Variants in ISM1 observed in about 807,000 individuals in gnomAD.
ISM1 encodes isthmin 1.
ISM1 carries 25 observed loss-of-function variants against 46.3 expected under a neutral mutation model. That is an observed-to-expected ratio of 0.54 (90% CI 0.39 to 0.75). The LOEUF (loss-of-function observed/expected upper bound fraction) is 0.75, where lower values mean the gene tolerates loss of function less well. ISM1 is among the 30% of genes least tolerant of loss of function. The pLI is 0.00. For synonymous variants in ISM1, 255 were observed against 256.7 expected, an observed-to-expected ratio of 0.99 and a Z score of 0.06; for missense variants, 536 against 625.4, an observed-to-expected ratio of 0.86 and a Z score of 1.52.
chr20:13,254,900 T>C (rs537344010), intron 1 of ISM1, among the ~76,000 whole-genome samples: 1 of 152,346 alleles, frequency 6.6e-6, no homozygotes, highest in South Asian at 2.1e-4. Flanking sequence ...TCCTTTTCCA[T>C]CTATTCATTG....
intron 1 of ISM1, chr20:13,238,095 A>G (rs546900361): frequency 6.6e-6 from 1 of 150,654 alleles, no homozygotes; most frequent in South Asian, 2.1e-4. Context: ...CGTTTACAAT[A>G]AAGAGGAGCA....
At chr20:13,242,350 A>C (rs1331513113) in intron 1 of ISM1, among the ~76,000 whole-genome samples, 4 of 152,212 alleles carry the variant, frequency 2.6e-5, no homozygotes, top group Non-Finnish European at 5.9e-5. Context: ...TGAAAGGAGC[A>C]GGATTTGTTT....
intron 1 of ISM1, among the ~76,000 whole-genome samples, chr20:13,262,833 A>G (rs2040002817): frequency 6.6e-6 from 1 of 152,156 alleles, no homozygotes; most frequent in Non-Finnish European, 1.5e-5. Context: ...CCAAATGCAA[A>G]GAGTTGCCCA....
intron 4 of ISM1, among the ~76,000 whole-genome samples, chr20:13,289,217 G>C (rs1311894081): frequency 2.0e-5 from 3 of 152,190 alleles, no homozygotes; most frequent in South Asian, 2.1e-4. Flanking sequence ...ATTTAATTTA[G>C]AGGAGGGACT....
intron 1 of ISM1, among the ~76,000 whole-genome samples, chr20:13,225,101 C>T (rs1397431908): frequency 3.9e-5 from 6 of 151,922 alleles, no homozygotes; most frequent in Non-Finnish European, 7.4e-5. Context: ...GATCCGCCCG[C>T]CTTGGCCTCC....
chr20:13,265,201 C>T (rs1323282749), intron 1 of ISM1, among the ~76,000 whole-genome samples: 3 of 152,198 alleles, frequency 2.0e-5, no homozygotes, highest in East Asian at 3.9e-4. Context: ...GATTGCAAAG[C>T]TCCTGAACCC....
chr20:13,315,497 A>AT, the ISM1 span, among the ~76,000 whole-genome samples: 2,899 of 152,156 alleles, frequency 0.019, 98 homozygotes, highest in African/African-American at 0.06. Context: ...ACAATCCTTA[A>AT]TATGTATTCA....
At chr20:13,233,774 A>G (rs2039617348) in intron 1 of ISM1, among the ~76,000 whole-genome samples, 1 of 152,162 alleles carries the variant, frequency 6.6e-6, no homozygotes, top group Non-Finnish European at 1.5e-5. Context: ...CACATAAGGT[A>G]ACCCATCCAT....
At chr20:13,310,130 C>T in the ISM1 span, among the ~76,000 whole-genome samples, 1 of 151,954 alleles carries the variant, frequency 6.6e-6, no homozygotes, top group Non-Finnish European at 1.5e-5. Flanking sequence ...ACTAAATAGC[C>T]AAAGCAATCT....
chr20:13,277,571 G>A (rs1463667750), intron 2 of ISM1, among the ~76,000 whole-genome samples: 6 of 151,734 alleles, frequency 4.0e-5, no homozygotes, highest in Non-Finnish European at 8.8e-5. Flanking sequence ...ACTCTCCCAC[G>A]ACCATTCATT....
intron 1 of ISM1, among the ~76,000 whole-genome samples, chr20:13,248,860 A>G (rs964772724): frequency 1.4e-4 from 21 of 152,242 alleles, no homozygotes; most frequent in African/African-American, 5.1e-4. Context: ...ACTGGCTTTG[A>G]ATTAACATGA....
chr20:13,294,748 C>G (rs2040390170), intron 5 of ISM1, among the ~76,000 whole-genome samples: 1 of 152,230 alleles, frequency 6.6e-6, no homozygotes, highest in Admixed American at 6.5e-5. Flanking sequence ...CCTATCCCAG[C>G]TGGCAGCACC....
chr20:13,291,046 C>T (rs2040348220), intron 4 of ISM1, among the ~76,000 whole-genome samples: 1 of 152,338 alleles, frequency 6.6e-6, no homozygotes, highest in East Asian at 1.9e-4. Context: ...GGTTTGGGGG[C>T]TTTCCTGTTG....
rs568067003 is a variant in ISM1 at position 13,221,675 on chromosome 20, G to A, written c.-102G>A. 1.6e-4 allele frequency: 167 copies of A among 1,043,914 alleles called. 1 individual carries two copies. In the East Asian group the frequency reaches 5.6e-3, roughly 35 times the overall value. The allele number at this position is 1,043,914 out of a possible 1,614,324, so 64.7% of individuals were successfully genotyped here. ...AGCCCTGGCGGGAGCCGAGGCGGGA[G>A]CCGCGCTGCCGGGCTCCCGGGCTCC... On this transcript the variant is annotated 5_prime_UTR_variant, in exon 1 of 6. Coordinates refer to ENST00000262487, the MANE Select transcript of ISM1 (RefSeq NM_080826.2).
In ISM1 at chr20:13,221,354, G is replaced by A. The variant is rs1010723923; in HGVS notation, c.-423G>A. On this transcript the variant is annotated 5_prime_UTR_variant, in exon 1 of 6. Coordinates refer to ENST00000262487, the MANE Select transcript of ISM1 (RefSeq NM_080826.2). ...GCGGCCACATCTGGGGCGCCCATGT[G>A]CGCTCGGGGGCTCGGCTGCGCCCGC... is the stretch of plus-strand genomic sequence containing the variant. Among the ~76,000 whole-genome samples the A allele has an allele frequency of 1.4e-5, 2 of 147,802 alleles. No individual in the cohort carries two copies. The highest frequency in any genetic ancestry group is 3.0e-5 in the Non-Finnish European group (2 of 66,036).
At position 13,233,875 on chromosome 20, in the gene ISM1, A is replaced by T. The variant is rs117689923; in HGVS notation, c.138+11961A>T. On this transcript the variant is annotated intron_variant, in intron 1 of 5. Coordinates refer to ENST00000262487, the MANE Select transcript of ISM1 (RefSeq NM_080826.2). ...AGCCCTTGCGCCCAGAATGCGATCT[A>T]CAGACCACCAGTATTAGCATCTCCT... Among the ~76,000 whole-genome samples the T allele has an allele frequency of 3.8e-3, 582 of 152,340 alleles. 5 individuals carry two copies. Among genetic ancestry groups the T allele is most frequent in the Middle Eastern group, 0.017 (5 of 294 alleles).
chr20:13,239,968 G>A (rs1444910539), intron 1 of ISM1, among the ~76,000 whole-genome samples: 1 of 152,186 alleles, frequency 6.6e-6, no homozygotes, highest in Non-Finnish European at 1.5e-5. Context: ...CATCTAAAGT[G>A]CTGGGATCCT....
At chr20:13,250,813 A>G (rs1337497187) in intron 1 of ISM1, among the ~76,000 whole-genome samples, 1 of 152,232 alleles carries the variant, frequency 6.6e-6, no homozygotes, top group Non-Finnish European at 1.5e-5. Context: ...CCCACACACC[A>G]TCAAAATGAA....
chr20:13,307,873 A>G, the ISM1 span, among the ~76,000 whole-genome samples: 2 of 152,238 alleles, frequency 1.3e-5, no homozygotes, highest in African/African-American at 4.8e-5. Flanking sequence ...GGGCTTTCAC[A>G]AAGAGTGCTA....
Sources: allele counts gnomAD v4.1 joint callset (sites outside exome capture counted in the v4.1 genomes callset), GRCh38; gene constraint gnomAD v4.1.1; transcripts MANE v1.5; gene names NCBI Gene and HGNC (gene_info 2026-07-23, HGNC 2026-07-21).